The following SH2D1B variants were observed in gnomAD, a reference collection of about 807,000 sequenced individuals.
SH2D1B encodes the protein SH2 domain-containing protein 1B.
Under a neutral mutation model 16.3 loss-of-function variants are expected in SH2D1B, and 11 were observed. The ratio of observed to expected loss-of-function variants is 0.67; its 90% CI spans 0.42 to 1.11. SH2D1B has a LOEUF of 1.11. Ranked by LOEUF, SH2D1B falls within the 50% of genes most tolerant of loss-of-function variation. SH2D1B has a pLI of 0.00. For synonymous variants in SH2D1B, 55 were observed against 56.1 expected, an observed-to-expected ratio of 0.98 and a Z score of 0.09; for missense variants, 123 against 153.1, an observed-to-expected ratio of 0.80 and a Z score of 1.04.
chr1:162,410,802 A>G (rs1167408494), intron 1 of SH2D1B, among the ~76,000 whole-genome samples: 1 of 151,708 alleles, frequency 6.6e-6, no homozygotes, highest in Non-Finnish European at 1.5e-5. Context: ...GATTACAAGC[A>G]TACGCCACCA....
At chr1:162,405,687 G>A (rs144442376) in intron 1 of SH2D1B, among the ~76,000 whole-genome samples, 20 of 152,212 alleles carry the variant, frequency 1.3e-4, no homozygotes, top group East Asian at 1.9e-4. Context: ...AATCGTTGTC[G>A]TCATTTATGA....
chr1:162,407,937 G>T (rs1241762157), intron 1 of SH2D1B, among the ~76,000 whole-genome samples: 1 of 152,234 alleles, frequency 6.6e-6, no homozygotes, highest in Non-Finnish European at 1.5e-5. Flanking sequence ...TTGAATGAAT[G>T]AAGGTTCCAC....
intron 1 of SH2D1B, among the ~76,000 whole-genome samples, chr1:162,403,511 A>ATAT (rs1457772370): frequency 2.4e-5 from 1 of 42,034 alleles, no homozygotes; most frequent in African/African-American, 1.1e-4. Context: ...AAAAAAAAAA[A>ATAT]ATATATATAT....
intron 3 of SH2D1B, 117 bp from the exon 4 acceptor site, chr1:162,397,432 C>A: frequency 9.4e-7 from 1 of 1,064,790 alleles, no homozygotes; most frequent in Non-Finnish European, 1.4e-6. Flanking sequence ...CATGTTGATG[C>A]CACCTGAAAG....
intron 1 of SH2D1B, among the ~76,000 whole-genome samples, chr1:162,410,768 T>C (rs1648774447): frequency 6.6e-6 from 1 of 151,426 alleles, no homozygotes; most frequent in African/African-American, 2.4e-5. Flanking sequence ...GTGATTCTCC[T>C]GCCTCAGCCT....
intron 1 of SH2D1B, among the ~76,000 whole-genome samples, chr1:162,404,323 G>A (rs1648600854): frequency 1.3e-5 from 2 of 151,988 alleles, no homozygotes; most frequent in Non-Finnish European, 2.9e-5. Flanking sequence ...GTGACAGAGT[G>A]AGACTCCATC....
At chr1:162,410,169 G>A (rs533590252) in intron 1 of SH2D1B, among the ~76,000 whole-genome samples, 2 of 152,188 alleles carry the variant, frequency 1.3e-5, no homozygotes, top group East Asian at 3.9e-4. Context: ...CATCCCCCAG[G>A]CAACATCTGA....
chr1:162,408,706 G>A (rs573208178), intron 1 of SH2D1B, among the ~76,000 whole-genome samples: 1 of 151,888 alleles, frequency 6.6e-6, no homozygotes, highest in East Asian at 2.0e-4. Context: ...GAGCCACCAC[G>A]CCTGGCCCAT....
At chr1:162,402,455 T>C in intron 2 of SH2D1B, 1 of 217,848 alleles carries the variant, frequency 4.6e-6, no homozygotes, top group Non-Finnish European at 9.0e-6. Context: ...GAGGCGGAGG[T>C]TGCAGTGAGC....
At chr1:162,398,090 G>A (rs1648423592) in intron 3 of SH2D1B, among the ~76,000 whole-genome samples, 1 of 152,128 alleles carries the variant, frequency 6.6e-6, no homozygotes, top group Admixed American at 6.5e-5. Context: ...GCCGGCTATG[G>A]CAGCCTAAAG....
chr1:162,402,040 G>A (rs1320257010), intron 2 of SH2D1B, among the ~76,000 whole-genome samples: 6 of 152,070 alleles, frequency 3.9e-5, no homozygotes, highest in Non-Finnish European at 8.8e-5. Context: ...CTATATTTTC[G>A]TACAACTATT....
At chr1:162,402,932 G>A (rs762236952) in intron 1 of SH2D1B, 130 bp from the exon 2 acceptor site, 9 of 635,570 alleles carry the variant, frequency 1.4e-5, no homozygotes, top group Non-Finnish European at 2.1e-5. Flanking sequence ...TTTCTGGGAC[G>A]GAATATCACT....
intron 2 of SH2D1B, among the ~76,000 whole-genome samples, chr1:162,399,339 C>T (rs1252798630): frequency 6.6e-6 from 1 of 152,116 alleles, no homozygotes; most frequent in Non-Finnish European, 1.5e-5. Flanking sequence ...TCAAGTGAAC[C>T]CCATCCTTGG....
chr1:162,401,900 T>C (rs1199578778), intron 2 of SH2D1B, among the ~76,000 whole-genome samples: 1 of 152,262 alleles, frequency 6.6e-6, no homozygotes, highest in Non-Finnish European at 1.5e-5. Context: ...TTAGCAGTTA[T>C]GTTTATTATA....
chr1:162,403,397 G>A (rs1156324674), intron 1 of SH2D1B, among the ~76,000 whole-genome samples: 2 of 146,654 alleles, frequency 1.4e-5, no homozygotes, highest in South Asian at 2.2e-4. Context: ...GCTGAGGCAC[G>A]AGAATCGCTT....
chr1:162,403,512 ATATATATATATATATATAT>A (rs1391974692), intron 1 of SH2D1B, among the ~76,000 whole-genome samples: 1 of 17,800 alleles, frequency 5.6e-5, no homozygotes, highest in Non-Finnish European at 8.8e-5. Flanking sequence ...AAAAAAAAAA[ATATATATATATATATATAT>A]ATATATATAT....
rs564269887 is a variant in SH2D1B, at chr1:162,411,991, C to T, written c.26G>A (p.Arg9His). ...GGTCTCACAGTCTTGCTTGGTCAGACGTCCATGGTAGTAAGGCAGATCCAT... is the reference window on the plus strand; with the variant it reads ...GGTCTCACAGTCTTGCTTGGTCAGATGTCCATGGTAGTAAGGCAGATCCAT... MDLPYYHGRLTKQDCETLL... is the reference protein window; with the variant it reads MDLPYYHGHLTKQDCETLL... The change falls in exon 1 of 4, where the codon CGT becomes CAT. Residue 9 changes from arginine to histidine, a missense_variant. By Grantham distance (29) the Arg-to-His change is conservative. Transcript: ENST00000367929. 6.8e-6 allele frequency: 11 copies of T among 1,614,118 alleles called. No individual in the cohort carries two copies. Among genetic ancestry groups the T allele is most frequent in the South Asian group, 6.6e-5 (6 of 91,078 alleles).
intron 3 of SH2D1B, 21 bp downstream of exon 3, chr1:162,398,901 AC>A (rs1396232143): frequency 5.6e-6 from 9 of 1,601,440 alleles, no homozygotes; most frequent in Middle Eastern, 1.7e-4. Flanking sequence ...TTGCTTTCTG[AC>A]CCCCACGTGA....
intron 1 of SH2D1B, among the ~76,000 whole-genome samples, chr1:162,409,841 C>G (rs1404820257): frequency 2.0e-5 from 3 of 152,092 alleles, no homozygotes; most frequent in African/African-American, 7.2e-5. Context: ...TCCCAAATTG[C>G]TAGGATTACA....
Sources: gnomAD v4.1 joint callset for allele counts (sites outside exome capture counted in the v4.1 genomes callset) on GRCh38, gnomAD v4.1.1 for gene constraint, MANE v1.5 for transcripts, NCBI Gene and HGNC (gene_info 2026-07-23, HGNC 2026-07-21) for gene names.